HNF4G: variants seen among roughly 807,000 people sequenced by gnomAD.
The protein encoded by HNF4G is hepatocyte nuclear factor 4 gamma, also known as hepatocyte nuclear factor 4-gamma.
HNF4G carries 21 observed loss-of-function variants against 50.9 expected under a neutral mutation model. The ratio of observed to expected loss-of-function variants is 0.41; its 90% CI spans 0.29 to 0.59. The LOEUF is 0.59. Among genes scored for constraint, HNF4G ranks in the 20% least tolerant of loss-of-function variants. HNF4G has a pLI of 0.26. For missense variants in HNF4G, 527 were observed against 559.4 expected (o/e 0.94, Z 0.58); for synonymous variants, 198 against 185.6 (o/e 1.07, Z -0.54).
At chr8:75,429,584 T>G (rs1401355015) in intron 1 of HNF4G, among the ~76,000 whole-genome samples, 1 of 152,156 alleles carries the variant, frequency 6.6e-6, no homozygotes, top group African/African-American at 2.4e-5. Flanking sequence ...AATACTCACT[T>G]CTCATAATGA....
At chr8:75,449,538 A>G (rs555538110) in intron 1 of HNF4G, among the ~76,000 whole-genome samples, 184 of 123,508 alleles carry the variant, frequency 1.5e-3, no homozygotes, top group African/African-American at 2.2e-3. Flanking sequence ...ACGGAGTCTC[A>G]CTCTGTCGCC....
chr8:75,514,973 A>G (rs889190121), intron 2 of HNF4G, among the ~76,000 whole-genome samples: 9 of 152,134 alleles, frequency 5.9e-5, no homozygotes, highest in African/African-American at 2.2e-4. Flanking sequence ...TAATAAATAT[A>G]CTTGTTATTT....
At position 75,564,225 on chromosome 8, in the gene HNF4G, C is replaced by T; in HGVS notation, c.*129C>T. The T allele has an allele frequency of 1.1e-6, 1 of 890,506 alleles. No individual in the cohort carries two copies. Among genetic ancestry groups the T allele is most frequent in the Non-Finnish European group, 1.7e-6 (1 of 587,626 alleles). The allele number at this position is 890,506 out of a possible 1,614,324, so 55.2% of individuals were successfully genotyped here. ...ATTGGTGCTGTTATAAGATGGTGTCCTATTTTCTTGTTTATACGTTCATTC... is the reference window on the plus strand; with the variant it reads ...ATTGGTGCTGTTATAAGATGGTGTCTTATTTTCTTGTTTATACGTTCATTC... On this transcript the variant is annotated 3_prime_UTR_variant, in exon 10 of 10. Transcript: ENST00000396423.
intron 2 of HNF4G, among the ~76,000 whole-genome samples, chr8:75,522,693 T>C (rs1210125512): frequency 6.6e-6 from 1 of 152,150 alleles, no homozygotes; most frequent in Non-Finnish European, 1.5e-5. Context: ...CTCTAGATAC[T>C]GTCAAATGTT....
At chr8:75,547,084 A>T (rs977708840) in intron 2 of HNF4G, among the ~76,000 whole-genome samples, 12 of 152,142 alleles carry the variant, frequency 7.9e-5, no homozygotes, top group African/African-American at 2.4e-4. Flanking sequence ...CATGATGCCA[A>T]CTGTACTCTC....
At chr8:75,493,109 G>A (rs1812674940) in intron 2 of HNF4G, among the ~76,000 whole-genome samples, 1 of 151,894 alleles carries the variant, frequency 6.6e-6, no homozygotes, top group African/African-American at 2.4e-5. Context: ...GTAAAAATAT[G>A]TATTGAAAAC....
intron 9 of HNF4G, among the ~76,000 whole-genome samples, chr8:75,561,431 T>G (rs1179148768): frequency 6.6e-6 from 1 of 152,216 alleles, no homozygotes; most frequent in East Asian, 1.9e-4. Context: ...TGGTCAATTC[T>G]AATTCAATTA....
At chr8:75,526,504 G>GTCTCCT (rs745342057) in intron 2 of HNF4G, among the ~76,000 whole-genome samples, 4 of 151,860 alleles carry the variant, frequency 2.6e-5, no homozygotes, top group Non-Finnish European at 2.9e-5. Context: ...CTGAAAGTAA[G>GTCTCCT]TCTCCTTCTC....
chr8:75,485,595 T>G (rs1032316647), intron 1 of HNF4G, among the ~76,000 whole-genome samples: 5 of 152,214 alleles, frequency 3.3e-5, no homozygotes, highest in African/African-American at 1.2e-4. Context: ...TCACTAATAC[T>G]GATTAGCAAT....
chr8:75,488,943 G>A (rs533193682), intron 1 of HNF4G, among the ~76,000 whole-genome samples: 57 of 152,110 alleles, frequency 3.7e-4, no homozygotes, highest in Non-Finnish European at 7.6e-4. Flanking sequence ...AAAACTAATG[G>A]AAGACCTGGA....
chr8:75,547,249 A>G (rs1563549721), intron 2 of HNF4G, among the ~76,000 whole-genome samples: 2 of 152,236 alleles, frequency 1.3e-5, no homozygotes, highest in African/African-American at 4.8e-5. Context: ...CCTCCTTCAT[A>G]CTGAAATCAT....
chr8:75,409,679 G>C (rs2130454894), intron 1 of HNF4G, among the ~76,000 whole-genome samples: 1 of 151,380 alleles, frequency 6.6e-6, no homozygotes, highest in Admixed American at 6.6e-5. Context: ...ATTAAAGATG[G>C]GGTTTCACCA....
At chr8:75,558,760 TAG>T in intron 7 of HNF4G, 39 bp from the exon 8 acceptor site, 2 of 1,582,258 alleles carry the variant, frequency 1.3e-6, no homozygotes, top group Non-Finnish European at 1.7e-6. Flanking sequence ...ACACTGTAAT[TAG>T]GTTAAATCTG....
chr8:75,500,029 C>T (rs1018489288), intron 2 of HNF4G, among the ~76,000 whole-genome samples: 36 of 152,192 alleles, frequency 2.4e-4, no homozygotes, highest in African/African-American at 7.9e-4. Context: ...ATAAATTAGA[C>T]TTCACCAAAA....
intron 1 of HNF4G, among the ~76,000 whole-genome samples, chr8:75,465,638 A>G (rs1811951126): frequency 6.6e-6 from 1 of 152,184 alleles, no homozygotes; most frequent in African/African-American, 2.4e-5. Context: ...AAGTAGAAAG[A>G]CAACAAAAGT....
At chr8:75,548,430 A>G (rs1268914213) in intron 3 of HNF4G, among the ~76,000 whole-genome samples, 1 of 152,196 alleles carries the variant, frequency 6.6e-6, no homozygotes, top group African/African-American at 2.4e-5. Context: ...ACACTGTTCT[A>G]GGTGCTAAAG....
Position 75,507,317 on chromosome 8 carries a change from C to T in HNF4G, c.-24+17109C>T, listed in dbSNP as rs570337959. 4.6e-4 allele frequency among the ~76,000 whole-genome samples: 68 copies of T among 149,044 alleles called. 2 individuals are homozygous for T. The highest frequency in any genetic ancestry group is 1.5e-3 in the African/African-American group (60 of 40,380). ...CTCTCTCGCCCAGGCTGGAGTGCAG[C>T]GGCGTGATCTTGGCTCACTGCAACC... On this transcript the variant is annotated intron_variant, in intron 2 of 10. Transcript: ENST00000354370.
In HNF4G at chr8:75,542,797, A is replaced by G. The variant is rs534953530; in HGVS notation, c.119-1014A>G. 5.1e-4 allele frequency among the ~76,000 whole-genome samples: 77 copies of G among 152,284 alleles called. 1 individual carries two copies. In the South Asian group the frequency reaches 0.016, roughly 32 times the overall value. ...ACAAACAGTAGGGCAGCAAGAATGG[A>G]AGGAAAGAACTTAGATAGCAGGCTG... On this transcript the variant is annotated intron_variant, in intron 1 of 9. Transcript: ENST00000396423.
At chr8:75,546,184 T>A (rs1381229246) in intron 2 of HNF4G, among the ~76,000 whole-genome samples, 2 of 152,128 alleles carry the variant, frequency 1.3e-5, no homozygotes, top group African/African-American at 2.4e-5. Flanking sequence ...TTTGAAGAAA[T>A]GTTAGCGTTT....
Sources: allele counts gnomAD v4.1 joint callset (sites outside exome capture counted in the v4.1 genomes callset), GRCh38; gene constraint gnomAD v4.1.1; transcripts MANE v1.5; gene names NCBI Gene and HGNC (gene_info 2026-07-23, HGNC 2026-07-21).